The following TRIM24 variants were observed in gnomAD, a reference collection of about 807,000 sequenced individuals.
The protein encoded by TRIM24 is transcription intermediary factor 1-alpha.
In TRIM24, 29 loss-of-function variants were observed where a neutral mutation model predicts 123.9. The observed-to-expected ratio is 0.23, with a 90% confidence interval of 0.17 to 0.32. The LOEUF is 0.32. Ranked by LOEUF, TRIM24 falls within the 10% of genes least tolerant of loss-of-function variation. The probability of loss-of-function intolerance (pLI) is 1.00; values close to 1 mark genes in which losing one functional copy is unlikely to be tolerated. For missense variants in TRIM24, 932 were observed against 1,295.3 expected, an observed-to-expected ratio of 0.72 and a Z score of 4.31; for synonymous variants, 456 against 461.1, an observed-to-expected ratio of 0.99 and a Z score of 0.14.
At position 138,500,847 on chromosome 7, in the gene TRIM24, TC is replaced by T. The variant is rs1266668179; in HGVS notation, c.365-3441del. ...AAGAGAATATGGTACAGCCTGTTGC[TC>T]CTAGGCTACAAATCTGCACAGCATG... On this transcript the variant is annotated intron_variant, in intron 1 of 18. Coordinates refer to ENST00000343526, the MANE Select transcript of TRIM24 (RefSeq NM_015905.3). Among the ~76,000 whole-genome samples the T allele has an allele frequency of 2.6e-5, 4 of 152,256 alleles. No individual in the cohort carries two copies. The East Asian group carries it at 7.7e-4, about 29-fold the overall frequency.
intron 1 of TRIM24, among the ~76,000 whole-genome samples, chr7:138,485,587 A>G (rs1404266021): frequency 1.3e-5 from 2 of 152,070 alleles, no homozygotes. Flanking sequence ...CCCACCTATG[A>G]GTGAGAACAT....
chr7:138,513,374 A>G (rs1025105768), intron 2 of TRIM24, among the ~76,000 whole-genome samples: 4 of 152,150 alleles, frequency 2.6e-5, no homozygotes, highest in Non-Finnish European at 4.4e-5. Context: ...ATTTTCTGTT[A>G]TCAGTCTGGT....
chr7:138,576,535 A>G (rs1457367409), intron 13 of TRIM24, 90 bp downstream of exon 13: 1 of 1,016,320 alleles, frequency 9.8e-7, no homozygotes, highest in East Asian at 2.6e-5. Flanking sequence ...TACTCAATAT[A>G]TTTTGAACAA....
At chr7:138,549,329 TTC>T (rs1797163953) in intron 7 of TRIM24, among the ~76,000 whole-genome samples, 1 of 152,152 alleles carries the variant, frequency 6.6e-6, no homozygotes, top group Non-Finnish European at 1.5e-5. Flanking sequence ...GCCCTGGGCA[TTC>T]CAGCACATAG....
chr7:138,524,096 G>A (rs555715022), intron 4 of TRIM24, among the ~76,000 whole-genome samples: 1 of 152,156 alleles, frequency 6.6e-6, no homozygotes, highest in African/African-American at 2.4e-5. Flanking sequence ...CTAAAATCTT[G>A]CATGTCATAT....
intron 9 of TRIM24, among the ~76,000 whole-genome samples, chr7:138,563,144 C>G (rs76269848): frequency 1.6e-3 from 239 of 152,326 alleles, no homozygotes; most frequent in Middle Eastern, 3.4e-3. Context: ...CCCCCCACTT[C>G]TAATGTGACC....
intron 1 of TRIM24, among the ~76,000 whole-genome samples, chr7:138,464,197 C>T (rs545947815): frequency 6.6e-6 from 1 of 151,368 alleles, no homozygotes; most frequent in African/African-American, 2.4e-5. Flanking sequence ...GGGGTTTCAC[C>T]GTGTTAGCCA....
chr7:138,463,043 G>GT (rs57719141), intron 1 of TRIM24, among the ~76,000 whole-genome samples: 988 of 60,130 alleles, frequency 0.016, 167 homozygotes, highest in East Asian at 0.065. Flanking sequence ...CTAATTTTGT[G>GT]TTTTTTTTTT....
chr7:138,483,541 A>G (rs1185831213), intron 1 of TRIM24, among the ~76,000 whole-genome samples: 5 of 152,218 alleles, frequency 3.3e-5, no homozygotes, highest in African/African-American at 1.2e-4. Context: ...ATCTTTTATA[A>G]GCATATAGAT....
intron 6 of TRIM24, among the ~76,000 whole-genome samples, chr7:138,529,791 G>C (rs1474260143): frequency 6.6e-6 from 1 of 152,080 alleles, no homozygotes; most frequent in East Asian, 1.9e-4. Context: ...TGAAGGTCAA[G>C]ATCCAAACTT....
intron 1 of TRIM24, among the ~76,000 whole-genome samples, chr7:138,461,901 A>G (rs558486774): frequency 6.6e-6 from 1 of 152,210 alleles, no homozygotes; most frequent in East Asian, 1.9e-4. Context: ...CAAGGGGCGT[A>G]TGAAATGGAT....
chr7:138,555,072 AT>A, intron 9 of TRIM24, 106 bp downstream of exon 9: 1 of 1,156,458 alleles, frequency 8.6e-7, no homozygotes, highest in Non-Finnish European at 1.2e-6. Context: ...AAATATCTGC[AT>A]TTATAAAAAT....
chr7:138,542,709 T>C (rs933519997), intron 7 of TRIM24, among the ~76,000 whole-genome samples: 2 of 152,196 alleles, frequency 1.3e-5, no homozygotes, highest in Non-Finnish European at 2.9e-5. Context: ...TTCTGTCACC[T>C]ATTCCAAAAA....
chr7:138,528,210 T>G (rs1796652596), intron 5 of TRIM24, among the ~76,000 whole-genome samples: 1 of 152,210 alleles, frequency 6.6e-6, no homozygotes, highest in Admixed American at 6.5e-5. Context: ...CTCATGACTT[T>G]CACTGAGCTG....
At chr7:138,465,391 T>C (rs546895282) in intron 1 of TRIM24, among the ~76,000 whole-genome samples, 1 of 152,336 alleles carries the variant, frequency 6.6e-6, no homozygotes, top group East Asian at 1.9e-4. Context: ...TGTTATAATA[T>C]TGTGTAGTAT....
intron 1 of TRIM24, among the ~76,000 whole-genome samples, chr7:138,475,658 G>A (rs1269237613): frequency 2.0e-5 from 3 of 152,202 alleles, no homozygotes; most frequent in East Asian, 1.9e-4. Context: ...CTACAGGAGC[G>A]ATGCACCATA....
chr7:138,568,758 A>G (rs573145851), intron 10 of TRIM24, among the ~76,000 whole-genome samples: 96 of 130,130 alleles, frequency 7.4e-4, no homozygotes, highest in African/African-American at 2.6e-3. Context: ...AAGTTATCAC[A>G]GTGTTTTTTC....
rs577317171 is a variant in TRIM24, at chr7:138,466,463, C to CTTTT, written c.364+5566_364+5569dup. Among the ~76,000 whole-genome samples, 11 of 74,064 alleles carry CTTTT rather than the reference C, an allele frequency of 1.5e-4. 1 individual carries two copies. Among genetic ancestry groups the CTTTT allele is most frequent in the Non-Finnish European group, 1.9e-4 (8 of 41,764 alleles). 48.6% of individuals were successfully genotyped at this position (74,064 alleles called of 152,430 possible). On this transcript the variant is annotated intron_variant, in intron 1 of 18. Transcript: ENST00000343526. ...TTTGCAAATTTCAAAACTTAAGTTGCTTTTTTTTTTTTTTTTTTGGAGACA... is the reference window on the plus strand; with the variant it reads ...TTTGCAAATTTCAAAACTTAAGTTGCTTTTTTTTTTTTTTTTTTTTTTGGAGACA...
At chr7:138,463,989 C>CTT (rs568562414) in intron 1 of TRIM24, among the ~76,000 whole-genome samples, 1,653 of 50,678 alleles carry the variant, frequency 0.033, 497 homozygotes, top group Middle Eastern at 0.089. Context: ...AAAATTTAGA[C>CTT]TTTTTTTTTT....
Sources: gnomAD v4.1 joint callset for allele counts (sites outside exome capture counted in the v4.1 genomes callset) on GRCh38, gnomAD v4.1.1 for gene constraint, MANE v1.5 for transcripts, NCBI Gene and HGNC (gene_info 2026-07-23, HGNC 2026-07-21) for gene names.